AGBL4: variants seen among roughly 807,000 people sequenced by gnomAD.
The protein encoded by AGBL4 is cytosolic carboxypeptidase 6.
A neutral mutation model predicts 66.4 loss-of-function variants in AGBL4; 58 were observed. The ratio of observed to expected loss-of-function variants is 0.87; its 90% CI spans 0.71 to 1.09. The LOEUF (loss-of-function observed/expected upper bound fraction) is 1.09. Among genes scored for constraint, AGBL4 ranks in the 50% least tolerant of loss-of-function variants. The pLI is 0.00. For synonymous variants in AGBL4, 234 were observed against 222.9 expected, an observed-to-expected ratio of 1.05 and a Z score of -0.44; for missense variants, 579 against 631.0, an observed-to-expected ratio of 0.92 and a Z score of 0.88.
At chr1:48,893,705 A>AGTAAATAAATAAAT (rs111394174) in intron 5 of AGBL4, among the ~76,000 whole-genome samples, 1 of 148,318 alleles carries the variant, frequency 6.7e-6, no homozygotes, top group Non-Finnish European at 1.5e-5. Context: ...TAAATAAATA[A>AGTAAATAAATAAAT]AAAGATAAAA....
intron 2 of AGBL4, among the ~76,000 whole-genome samples, chr1:49,714,517 T>C (rs1179958349): frequency 6.6e-6 from 1 of 151,180 alleles, no homozygotes; most frequent in Admixed American, 6.6e-5. Context: ...GTTCCATCTA[T>C]GCTGCTACAA....
At chr1:49,031,634 G>A (rs891453628) in intron 5 of AGBL4, among the ~76,000 whole-genome samples, 1 of 151,962 alleles carries the variant, frequency 6.6e-6, no homozygotes, top group Non-Finnish European at 1.5e-5. Flanking sequence ...TATATAGATG[G>A]CCAATAAGCA....
intron 4 of AGBL4, among the ~76,000 whole-genome samples, chr1:49,058,969 A>G (rs1644354357): frequency 6.6e-6 from 1 of 152,220 alleles, no homozygotes; most frequent in African/African-American, 2.4e-5. Context: ...GAAGAGCAGA[A>G]AAGTTTGGAA....
chr1:48,711,297 C>T (rs927048647), intron 6 of AGBL4, among the ~76,000 whole-genome samples: 2 of 152,184 alleles, frequency 1.3e-5, no homozygotes, highest in African/African-American at 4.8e-5. Flanking sequence ...GTGAGACTAG[C>T]TTGGGCCTTG....
At chr1:48,933,842 T>C (rs72895633) in intron 5 of AGBL4, among the ~76,000 whole-genome samples, 22,531 of 152,156 alleles carry the variant, frequency 0.15, 2,116 homozygotes, top group African/African-American at 0.27. Context: ...GAGCAATTGG[T>C]TCTGTTTGGG....
intron 3 of AGBL4, among the ~76,000 whole-genome samples, chr1:49,278,755 G>A (rs748016138): frequency 6.6e-6 from 1 of 151,896 alleles, no homozygotes; most frequent in Non-Finnish European, 1.5e-5. Flanking sequence ...ATGGACTGAA[G>A]AAGGAATCAG....
intron 8 of AGBL4, chr1:48,647,749 C>G (rs1645861706): frequency 3.0e-6 from 1 of 329,948 alleles, no homozygotes; most frequent in African/African-American, 2.2e-5. Context: ...GCTTTCTTCT[C>G]TGCAAAAGAA....
rs1262692593 is a variant in AGBL4 at position 49,697,321 on chromosome 1, C to T, written c.274G>A (p.Glu92Lys). The T allele has an allele frequency of 6.5e-7, 1 of 1,546,386 alleles. No individual in the cohort carries two copies. Among genetic ancestry groups the T allele is most frequent in the South Asian group, 1.2e-5 (1 of 83,574 alleles). Residue 92 changes from glutamate (E) to lysine (K), a missense_variant, in exon 3 of 14, where the codon GAA becomes AAA. Transcript: ENST00000371839. ...WFNFTVENVKESQRVIFNIVN... is the reference protein window; with the variant it reads ...WFNFTVENVKKSQRVIFNIVN... ...TCCACTATTTCCCTCACCTGTGATTCTTTCACATTTTCAACAGTAAAGTTG... is the reference window on the plus strand; with the variant it reads ...TCCACTATTTCCCTCACCTGTGATTTTTTCACATTTTCAACAGTAAAGTTG...
At chr1:49,140,343 T>A (rs1646094835) in intron 4 of AGBL4, among the ~76,000 whole-genome samples, 1 of 152,224 alleles carries the variant, frequency 6.6e-6, no homozygotes, top group Non-Finnish European at 1.5e-5. Context: ...TAAAATTGCC[T>A]AGGGGCAAAG....
chr1:49,474,807 C>A (rs904913838), intron 3 of AGBL4, among the ~76,000 whole-genome samples: 1 of 151,956 alleles, frequency 6.6e-6, no homozygotes, highest in African/African-American at 2.4e-5. Flanking sequence ...AAAGACTTTC[C>A]AGGTATTTGA....
At position 50,023,408 on chromosome 1, in the gene AGBL4, C is replaced by T. The variant is rs143420918; in HGVS notation, c.34+355G>A. On this transcript the variant is annotated intron_variant, in intron 1 of 13. Transcript: ENST00000371839. ...GGATCTCTCCCATGCTCCCACAGGG[C>T]AGTGTACACCCTTTCCATGACACAG... Among the ~76,000 whole-genome samples the T allele has an allele frequency of 2.0e-4, 30 of 152,282 alleles. No individual in the cohort carries two copies. In the East Asian group the frequency reaches 5.4e-3, roughly 28 times the overall value.
At chr1:49,491,752 G>A (rs760772973) in intron 3 of AGBL4, among the ~76,000 whole-genome samples, 1 of 151,804 alleles carries the variant, frequency 6.6e-6, no homozygotes, top group Non-Finnish European at 1.5e-5. Context: ...GGACAGTCAG[G>A]ATTAAAATTC....
At chr1:48,806,788 G>A (rs1446538038) in intron 6 of AGBL4, among the ~76,000 whole-genome samples, 1 of 152,214 alleles carries the variant, frequency 6.6e-6, no homozygotes, top group Non-Finnish European at 1.5e-5. Flanking sequence ...TGATTCTGAG[G>A]AAACTTGCCA....
intron 2 of AGBL4, among the ~76,000 whole-genome samples, chr1:49,832,514 T>A (rs1287204162): frequency 3.3e-5 from 5 of 151,764 alleles, no homozygotes; most frequent in Admixed American, 2.0e-4. Context: ...ATATACCCAG[T>A]AATGGGATGG....
At chr1:48,734,691 T>C (rs1416965817) in intron 6 of AGBL4, among the ~76,000 whole-genome samples, 1 of 152,222 alleles carries the variant, frequency 6.6e-6, no homozygotes, top group African/African-American at 2.4e-5. Flanking sequence ...AAGATGCTTC[T>C]TCCACATCCA....
Position 48,679,371 on chromosome 1 carries a change from T to C in AGBL4, c.635-16130A>G, listed in dbSNP as rs1646418578. On this transcript the variant is annotated intron_variant, in intron 6 of 13. Transcript: ENST00000371839. ...GCAGCAATAATCATGGCTAATATTA[T>C]TTGAGCTGTTACTGGGGTGTCAGAG... 2.0e-5 allele frequency among the ~76,000 whole-genome samples: 3 copies of C among 152,158 alleles called. No individual in the cohort carries two copies. In the South Asian group the frequency reaches 6.2e-4, roughly 32 times the overall value.
At chr1:48,604,352 C>T (rs1235956911) in intron 9 of AGBL4, among the ~76,000 whole-genome samples, 1 of 152,070 alleles carries the variant, frequency 6.6e-6, no homozygotes, top group African/African-American at 2.4e-5. Flanking sequence ...TGTTTGCCTC[C>T]TTGGTACGTG....
At chr1:49,074,436 C>T (rs1018908348) in intron 4 of AGBL4, among the ~76,000 whole-genome samples, 6 of 152,164 alleles carry the variant, frequency 3.9e-5, no homozygotes, top group African/African-American at 1.4e-4. Context: ...GAACCAGGTA[C>T]CTCAGTTGGA....
chr1:49,292,179 C>T (rs1644547060), intron 3 of AGBL4, among the ~76,000 whole-genome samples: 1 of 152,212 alleles, frequency 6.6e-6, no homozygotes, highest in South Asian at 2.1e-4. Flanking sequence ...GCTGACACAC[C>T]AGCCCCCTGC....
Sources: allele counts gnomAD v4.1 joint callset (sites outside exome capture counted in the v4.1 genomes callset), GRCh38; gene constraint gnomAD v4.1.1; transcripts MANE v1.5; gene names NCBI Gene and HGNC (gene_info 2026-07-23, HGNC 2026-07-21).